ASH1L: variants seen among roughly 807,000 people sequenced by gnomAD.
ASH1L encodes ASH1 like histone lysine methyltransferase.
In ASH1L, 23 loss-of-function variants were observed where a neutral mutation model predicts 269.0. That is an observed-to-expected ratio of 0.09 (90% CI 0.06 to 0.12). ASH1L has a LOEUF of 0.12. Among genes scored for constraint, ASH1L ranks in the 10% least tolerant of loss-of-function variants. The probability of loss-of-function intolerance (pLI) is 1.00; values close to 1 mark genes in which losing one functional copy is unlikely to be tolerated. For missense variants in ASH1L, 2,912 were observed against 3,567.8 expected, an observed-to-expected ratio of 0.82 and a Z score of 4.68; for synonymous variants, 1,187 against 1,253.5, an observed-to-expected ratio of 0.95 and a Z score of 1.12.
intron 16 of ASH1L, among the ~76,000 whole-genome samples, chr1:155,353,091 T>G (rs953265700): frequency 1.3e-5 from 2 of 152,230 alleles, no homozygotes; most frequent in Admixed American, 1.3e-4. Context: ...CAATACAGTA[T>G]AGCAGTTGTA....
intron 1 of ASH1L, among the ~76,000 whole-genome samples, chr1:155,522,068 C>A: frequency 6.6e-6 from 1 of 152,172 alleles, no homozygotes; most frequent in Non-Finnish European, 1.5e-5. Context: ...GATTATTACA[C>A]ATTGTATGCC....
At position 155,484,942 on chromosome 1, in the gene ASH1L, AAC is replaced by A. The variant is rs1273028257; in HGVS notation, c.421-2495_421-2494del. ...ATGCTCTGTCTCAAAAAAAAAAAAA[AAC>A]AAAAACAAAAACAAAAACAAAAACC... On this transcript the variant is annotated intron_variant, in intron 2 of 27. Coordinates refer to ENST00000392403, the MANE Select transcript of ASH1L (RefSeq NM_018489.3). Among the ~76,000 whole-genome samples the A allele has an allele frequency of 2.5e-4, 34 of 134,034 alleles. 2 individuals are homozygous for A. The highest frequency in any genetic ancestry group is 6.4e-4 in the East Asian group (3 of 4,666). 87.9% of individuals were successfully genotyped at this position (134,034 alleles called of 152,430 possible).
chr1:155,354,525 T>C lies in ASH1L; in HGVS notation c.7161A>G (p.Ser2387=). The change falls in exon 16 of 28, where the codon TCA becomes TCG. Residue 2387 remains serine, a synonymous_variant. Transcript: ENST00000392403. The part of the protein sequence containing the change: ...KHTSDNIHSA[S]LYTRWNGICR... ...AGATCCCATTCCAACGGGTATATAA[T>C]GATGCTGAGTGAATATTATCACTGG... is the stretch of plus-strand genomic sequence containing the variant. 1.2e-6 allele frequency: 2 copies of C among 1,614,016 alleles called. No homozygotes were observed. The highest frequency in any genetic ancestry group is 1.7e-6 in the Non-Finnish European group (2 of 1,179,956).
chr1:155,552,180 A>G (rs754606023), intron 1 of ASH1L, among the ~76,000 whole-genome samples: 2 of 151,744 alleles, frequency 1.3e-5, no homozygotes, highest in African/African-American at 2.4e-5. Flanking sequence ...AAATAAATAT[A>G]TGAAGGCCGG....
At position 155,487,974 on chromosome 1, in the gene ASH1L, G is replaced by A. The variant is rs536896712; in HGVS notation, c.421-5525C>T. ...GCCATCTCGGCTCACTGCAACCTCC[G>A]CCTCCCGGGTCCAAGCAATTCTCTG... On this transcript the variant is annotated intron_variant, in intron 2 of 27. Coordinates refer to ENST00000392403, the MANE Select transcript of ASH1L (RefSeq NM_018489.3). Among the ~76,000 whole-genome samples the A allele has an allele frequency of 7.3e-5, 11 of 150,248 alleles. No individual in the cohort carries two copies. In the South Asian group the frequency reaches 8.4e-4, roughly 11 times the overall value.
intron 5 of ASH1L, among the ~76,000 whole-genome samples, chr1:155,424,506 C>G (rs1660976714): frequency 6.6e-6 from 1 of 151,650 alleles, no homozygotes; most frequent in Admixed American, 6.6e-5. Flanking sequence ...CTCCTGGATT[C>G]AAGCGATTCT....
intron 5 of ASH1L, among the ~76,000 whole-genome samples, chr1:155,422,718 G>A (rs556366481): frequency 2.0e-5 from 3 of 149,772 alleles, no homozygotes; most frequent in South Asian, 4.3e-4. Context: ...GCGTGATCTC[G>A]GCTCACTGCA....
chr1:155,433,402 G>A (rs542293545), intron 5 of ASH1L: 95 of 1,606,524 alleles, frequency 5.9e-5, no homozygotes, highest in African/African-American at 2.5e-4. Context: ...GGGGGATGGC[G>A]TACTGTGGGC....
intron 1 of ASH1L, among the ~76,000 whole-genome samples, chr1:155,532,960 TGG>T (rs1553275245): frequency 3.4e-5 from 2 of 58,432 alleles, no homozygotes; most frequent in African/African-American, 1.3e-4. Flanking sequence ...TATATATATA[TGG>T]GGGGAGAGAG....
intron 6 of ASH1L, among the ~76,000 whole-genome samples, chr1:155,406,114 G>A (rs1659264594): frequency 1.3e-5 from 2 of 148,420 alleles, no homozygotes; most frequent in Non-Finnish European, 3.0e-5. Context: ...TGACAGAAGA[G>A]AATTGCTTAA....
intron 5 of ASH1L, among the ~76,000 whole-genome samples, chr1:155,417,610 G>A (rs1408351721): frequency 6.6e-6 from 1 of 152,148 alleles, no homozygotes; most frequent in Admixed American, 6.6e-5. Flanking sequence ...TAAACAGCAA[G>A]CCCAGAGGGT....
In ASH1L at chr1:155,481,618, T is replaced by C. The variant is rs1398058487; in HGVS notation, c.1252A>G (p.Ser418Gly). 1.9e-6 allele frequency: 3 copies of C among 1,614,180 alleles called. No homozygotes were observed. The highest frequency in any genetic ancestry group is 2.5e-6 in the Non-Finnish European group (3 of 1,180,018). The change falls in exon 3 of 28, where the codon AGT (serine) becomes GGT (glycine). Residue 418 changes from serine to glycine, a missense_variant. By Grantham distance (56) the Ser-to-Gly change is moderately conservative. This residue lies in a region of ASH1L where 715 missense variants were observed against 721.0 expected (regional missense o/e 0.99). Transcript: ENST00000392403. ...LMSCPLAGLI[S>G]KDAINLKAEA... ...GCTTTAAGGTTTATGGCATCTTTAC[T>C]GATCAGACCTGCCAAAGGACAACTC...
chr1:155,540,716 C>T (rs926905480), intron 1 of ASH1L, among the ~76,000 whole-genome samples: 1 of 151,248 alleles, frequency 6.6e-6, no homozygotes, highest in Admixed American at 6.6e-5. Context: ...CTGCAGCGAG[C>T]TAAGATCACA....
In ASH1L at chr1:155,562,158, C is replaced by T; in HGVS notation, c.-105G>A. On this transcript the variant is annotated 5_prime_UTR_variant, in exon 1 of 28. Transcript: ENST00000392403. ...GCCCAAATCGTTCTACTCACCGTGT[C>T]GGAGGCCGAGGCCGAGGCCGAGAGC... 6.4e-7 allele frequency: 1 copy of T among 1,571,334 alleles called. No individual in the cohort carries two copies. The highest frequency in any genetic ancestry group is 1.3e-5 in the African/African-American group (1 of 74,102).
intron 1 of ASH1L, among the ~76,000 whole-genome samples, chr1:155,555,872 A>G (rs191822690): frequency 1.3e-5 from 2 of 152,256 alleles, no homozygotes; most frequent in Non-Finnish European, 2.9e-5. Context: ...TTAACAGTGA[A>G]AAGAATTTTT....
chr1:155,514,013 G>C (rs1668341767), intron 2 of ASH1L, among the ~76,000 whole-genome samples: 1 of 152,124 alleles, frequency 6.6e-6, no homozygotes, highest in Non-Finnish European at 1.5e-5. Context: ...ACAACCTTGA[G>C]GACATTATGC....
rs779861178 is a variant in ASH1L, at chr1:155,478,070, A to G, written c.4800T>C (p.Ser1600=). The change falls in exon 3 of 28, where the codon AGT becomes AGC. Residue 1600 remains serine (S), a synonymous_variant. Transcript: ENST00000392403. The surrounding 1 kb of genome is among the most constrained non-coding windows in gnomAD (Gnocchi z 4.6). ...TTGTGAAAAGGTTTGTATGTTCATC[A>G]CTGCTGGCTGGCTCAGAGTTGGGAG... ...GFTPNSEPAS[S]DEHTNLFTSA... The G allele has an allele frequency of 1.2e-6, 2 of 1,614,194 alleles. No individual in the cohort carries two copies. The highest frequency in any genetic ancestry group is 3.3e-5 in the Admixed American group (2 of 60,018).
At chr1:155,362,943 T>C (rs1655091691) in intron 12 of ASH1L, among the ~76,000 whole-genome samples, 1 of 152,196 alleles carries the variant, frequency 6.6e-6, no homozygotes, top group South Asian at 2.1e-4. Flanking sequence ...ATTTTTAGTA[T>C]TTTTCCATCC....
At chr1:155,548,453 G>T (rs546224459) in intron 1 of ASH1L, among the ~76,000 whole-genome samples, 1 of 152,268 alleles carries the variant, frequency 6.6e-6, no homozygotes, top group East Asian at 1.9e-4. Context: ...AACCTGGGAG[G>T]TGGGGGTTGC....
Sources: allele counts gnomAD v4.1 joint callset (sites outside exome capture counted in the v4.1 genomes callset), GRCh38; gene constraint gnomAD v4.1.1; regional missense constraint gnomAD v4.1.1; non-coding constraint Gnocchi (gnomAD v3.1); transcripts MANE v1.5; gene names NCBI Gene and HGNC (gene_info 2026-07-23, HGNC 2026-07-21).